The following SETDB2 variants were observed in gnomAD, a reference collection of about 807,000 sequenced individuals.
SETDB2 encodes SET domain bifurcated histone lysine methyltransferase 2, also known as histone-lysine N-methyltransferase SETDB2.
SETDB2 carries 56 observed loss-of-function variants against 82.5 expected under a neutral mutation model. The observed-to-expected ratio is 0.68, with a 90% CI of 0.55 to 0.85. The LOEUF is 0.85. SETDB2 is among the 40% of genes least tolerant of loss of function. SETDB2 has a pLI of 0.00. For synonymous variants in SETDB2, 272 were observed against 284.9 expected, an observed-to-expected ratio of 0.95 and a Z score of 0.46; for missense variants, 677 against 816.4, an observed-to-expected ratio of 0.83 and a Z score of 2.08.
intron 4 of SETDB2, 25 bp from the exon 5 acceptor site, chr13:49,467,839 T>C: frequency 6.4e-7 from 1 of 1,555,680 alleles, no homozygotes; most frequent in Non-Finnish European, 8.8e-7. Flanking sequence ...GGTATATTTG[T>C]TGCTCACATT....
chr13:49,494,046 A>T lies in SETDB2; in HGVS notation c.*2197A>T, dbSNP rs534784088. 132 of 151,942 alleles carry T rather than the reference A, an allele frequency of 8.7e-4. No individual in the cohort carries two copies. The highest frequency in any genetic ancestry group is 3.0e-3 in the African/African-American group (126 of 41,420). 9.4% of individuals were successfully genotyped at this position (151,942 alleles called of 1,614,324 possible). On this transcript the variant is annotated 3_prime_UTR_variant, in exon 14 of 14. Transcript: ENST00000611815. Reference sequence around the variant, plus strand: ...CCAGATGTTAGACCTCCAGAATTTGATCTCTAATTTTCCTATCTTTTCTCT... The same window carrying T: ...CCAGATGTTAGACCTCCAGAATTTGTTCTCTAATTTTCCTATCTTTTCTCT...
intron 4 of SETDB2, among the ~76,000 whole-genome samples, chr13:49,461,956 G>T (rs1360215924): frequency 2.0e-5 from 3 of 152,132 alleles, no homozygotes; most frequent in African/African-American, 4.8e-5. Flanking sequence ...TTATTATAAA[G>T]GATATTATAA....
Position 49,488,558 on chromosome 13 carries a change from A to G in SETDB2, c.1845A>G (p.Leu615=). The change falls in exon 12 of 14, where the codon CTA becomes CTG. Residue 615 remains leucine, a synonymous_variant. Transcript: ENST00000611815. ...SETKNTSSDS[L]TKFNKGNVFL... ...CCAAGAATACTTCATCTGATTCTCT[A>G]ACAAAGTTCAATAAAGGGAATGTGT... 2 of 1,612,322 alleles carry G rather than the reference A, an allele frequency of 1.2e-6. No homozygotes were observed. Among genetic ancestry groups the G allele is most frequent in the South Asian group, 1.1e-5 (1 of 90,394 alleles).
intron 2 of SETDB2, among the ~76,000 whole-genome samples, chr13:49,457,973 AAACTTAACAATAATCT>A (rs1957923877): frequency 1.3e-5 from 2 of 152,228 alleles, no homozygotes; most frequent in South Asian, 4.1e-4. Context: ...CTGTGAAGGG[AAACTTAACAATAATCT>A]ATGAAGTGCT....
intron 11 of SETDB2, among the ~76,000 whole-genome samples, chr13:49,487,354 GAGAC>G (rs936302670): frequency 4.0e-5 from 6 of 151,482 alleles, no homozygotes; most frequent in African/African-American, 1.5e-4. Context: ...TTTTTAAAGA[GAGAC>G]AGCGACTCAT....
At chr13:49,489,912 C>A (rs1958675314) in intron 12 of SETDB2, among the ~76,000 whole-genome samples, 1 of 46,508 alleles carries the variant, frequency 2.2e-5, no homozygotes, top group Admixed American at 2.3e-4. Context: ...CTCCCGCCCC[C>A]CCCCCCTTTT....
chr13:49,481,252 G>T, intron 8 of SETDB2, 136 bp downstream of exon 8: 1 of 720,396 alleles, frequency 1.4e-6, no homozygotes, highest in Non-Finnish European at 2.2e-6. Context: ...TCAGAGAAAG[G>T]CAGGTAAACT....
At chr13:49,465,091 C>G (rs993177114) in intron 4 of SETDB2, among the ~76,000 whole-genome samples, 1 of 150,642 alleles carries the variant, frequency 6.6e-6, no homozygotes, top group South Asian at 2.1e-4. Context: ...AAAAAAGTTT[C>G]ACGCTAGCAT....
chr13:49,489,599 T>C (rs1478619737), intron 12 of SETDB2, among the ~76,000 whole-genome samples: 2 of 140,002 alleles, frequency 1.4e-5, no homozygotes, highest in Non-Finnish European at 3.1e-5. Flanking sequence ...ATTTATTCTT[T>C]TTTTTTTTTT....
chr13:49,470,043 CT>C (rs1958195942), intron 5 of SETDB2, among the ~76,000 whole-genome samples: 1 of 152,158 alleles, frequency 6.6e-6, no homozygotes, highest in Non-Finnish European at 1.5e-5. Flanking sequence ...CTTTGTGATA[CT>C]TTTCTTACAG....
intron 2 of SETDB2, chr13:49,459,829 C>A (rs1289368974): frequency 3.6e-6 from 1 of 281,604 alleles, no homozygotes; most frequent in Non-Finnish European, 6.6e-6. Context: ...CAACCACTCT[C>A]CAGTGAAGTC....
intron 5 of SETDB2, among the ~76,000 whole-genome samples, chr13:49,474,530 T>A (rs1958317093): frequency 6.6e-6 from 1 of 152,240 alleles, no homozygotes; most frequent in Non-Finnish European, 1.5e-5. Flanking sequence ...ATGAAATTGT[T>A]ATTAATAGAT....
At position 49,488,403 on chromosome 13, in the gene SETDB2, C is replaced by T; in HGVS notation, c.1690C>T (p.Gln564Ter). Residue 564 changes from glutamine to a stop codon, truncating the protein, a stop_gained, in exon 12 of 14, where the codon CAG becomes TAG. Coordinates refer to ENST00000611815, the MANE Select transcript of SETDB2 (RefSeq NM_001160308.3). LOFTEE classifies it high-confidence loss of function. ...EETPPRSRCN[Q>*]ATTLDNQNIK... ...AACTCCACCAAGGAGCAGATGTAAC[C>T]AGGCGACCACATTGGATAATCAGAA... 2 of 1,613,996 alleles carry T rather than the reference C, an allele frequency of 1.2e-6. No homozygotes were observed. Among genetic ancestry groups the T allele is most frequent in the Non-Finnish European group, 1.7e-6 (2 of 1,179,974 alleles).
At chr13:49,484,829 G>A (rs927551772) in intron 10 of SETDB2, among the ~76,000 whole-genome samples, 2 of 152,150 alleles carry the variant, frequency 1.3e-5, no homozygotes, top group African/African-American at 4.8e-5. Flanking sequence ...CCTGGTAATG[G>A]TACAGTAGCT....
Position 49,490,724 on chromosome 13 carries a change from G to A in SETDB2, c.1918-98G>A, listed in dbSNP as rs1252710280. ...CATTGACAAAAAAAGAACAAAATCA[G>A]TGTGATATATTAAAAACAGAATGGT... On this transcript the variant is annotated intron_variant, in intron 12 of 13. Transcript: ENST00000611815. 4 of 776,280 alleles carry A rather than the reference G, an allele frequency of 5.2e-6. No homozygotes were observed. The African/African-American group carries it at 7.2e-5, about 14-fold the overall frequency. The allele number at this position is 776,280 out of a possible 1,614,324, so 48.1% of individuals were successfully genotyped here.
intron 10 of SETDB2, among the ~76,000 whole-genome samples, chr13:49,484,345 T>C (rs1958549237): frequency 6.6e-6 from 1 of 152,198 alleles, no homozygotes; most frequent in African/African-American, 2.4e-5. Flanking sequence ...TCTCAGCTTA[T>C]TGCAACCTCT....
At chr13:49,465,494 C>T (rs1169120794) in intron 4 of SETDB2, among the ~76,000 whole-genome samples, 1 of 151,704 alleles carries the variant, frequency 6.6e-6, no homozygotes, top group Non-Finnish European at 1.5e-5. Flanking sequence ...AATTTCTAAT[C>T]AGTTATAGCT....
chr13:49,466,176 A>G (rs909408815), intron 4 of SETDB2, among the ~76,000 whole-genome samples: 1 of 152,152 alleles, frequency 6.6e-6, no homozygotes, highest in Non-Finnish European at 1.5e-5. Context: ...TCTCAGGCCT[A>G]TAATCCCAGA....
chr13:49,485,932 AATG>A (rs1958589253), intron 11 of SETDB2: 1 of 662,116 alleles, frequency 1.5e-6, no homozygotes, highest in African/African-American at 1.8e-5. Context: ...GTGAGCTAAG[AATG>A]ATATTTATGT....
Sources: gnomAD v4.1 joint callset for allele counts (sites outside exome capture counted in the v4.1 genomes callset) on GRCh38, gnomAD v4.1.1 for gene constraint, MANE v1.5 for transcripts, NCBI Gene and HGNC (gene_info 2026-07-23, HGNC 2026-07-21) for gene names.